Variants in PCDH11X observed in about 807,000 individuals in gnomAD.
PCDH11X encodes protocadherin 11 X-linked, also known as protocadherin-11 X-linked.
A neutral mutation model predicts 53.3 loss-of-function variants in PCDH11X; 18 were observed. That is an observed-to-expected ratio of 0.34 (90% CI 0.23 to 0.50). The LOEUF is 0.50. Among genes scored for constraint, PCDH11X ranks in the 20% least tolerant of loss-of-function variants. The pLI is 0.98. For missense variants in PCDH11X, 570 were observed against 1,032.4 expected, an observed-to-expected ratio of 0.55 and a Z score of 6.14; for synonymous variants, 279 against 393.3, an observed-to-expected ratio of 0.71 and a Z score of 3.44.
chrX:91,883,805 A>C (rs1172519485), intron 6 of PCDH11X: 1 of 743,903 alleles, frequency 1.3e-6, no homozygotes, highest in Admixed American at 8.9e-5. Context: ...ACTCTGTCTC[A>C]AAAAGAAAAA....
intron 6 of PCDH11X, among the ~76,000 whole-genome samples, chrX:91,880,422 A>G (rs1188775735): frequency 9.0e-6 from 1 of 111,429 alleles, no homozygotes; most frequent in Non-Finnish European, 1.9e-5. Flanking sequence ...TCTTTCACCA[A>G]AAGTTCGAGA....
chrX:91,916,210 C>A (rs1941557754), intron 6 of PCDH11X, among the ~76,000 whole-genome samples: 1 of 111,206 alleles, frequency 9.0e-6, no homozygotes, highest in Non-Finnish European at 1.9e-5. Context: ...GCATTAAATG[C>A]TTACATCAAA....
intron 6 of PCDH11X, among the ~76,000 whole-genome samples, chrX:91,969,507 G>C (rs755514215): frequency 9.0e-6 from 1 of 110,902 alleles, no homozygotes; most frequent in Non-Finnish European, 1.9e-5. Flanking sequence ...ATCAAAGAAG[G>C]ATCATCATAG....
chrX:91,944,074 T>C, intron 6 of PCDH11X, among the ~76,000 whole-genome samples: 1 of 84,444 alleles, frequency 1.2e-5, no homozygotes, highest in Non-Finnish European at 2.3e-5. Flanking sequence ...CGCTTGCTCT[T>C]GTTCAGTGCT....
intron 6 of PCDH11X, among the ~76,000 whole-genome samples, chrX:91,887,498 CTT>C (rs969049934): frequency 8.9e-5 from 10 of 111,818 alleles, no homozygotes; most frequent in African/African-American, 3.2e-4. Flanking sequence ...TAGGAGTAGA[CTT>C]TTAAAATTCT....
chrX:92,612,195 A>G (rs966631469), intron 10 of PCDH11X, among the ~76,000 whole-genome samples: 4 of 110,582 alleles, frequency 3.6e-5, no homozygotes, highest in African/African-American at 1.3e-4. Context: ...TATGTCTGGT[A>G]CAATTTGGCT....
chrX:92,144,112 A>G (rs1382736210), intron 6 of PCDH11X, among the ~76,000 whole-genome samples: 3 of 111,290 alleles, frequency 2.7e-5, no homozygotes, highest in Non-Finnish European at 5.6e-5. Context: ...CCCCCATTGT[A>G]TCTAGGAAGT....
chrX:92,598,453 A>T (rs1438987312), intron 10 of PCDH11X, among the ~76,000 whole-genome samples: 3 of 110,329 alleles, frequency 2.7e-5, no homozygotes, highest in African/African-American at 1.0e-4. Flanking sequence ...GAAAGTGTGC[A>T]CAATATCATT....
chrX:92,582,769 C>A (rs1923865748), intron 10 of PCDH11X, among the ~76,000 whole-genome samples: 1 of 110,713 alleles, frequency 9.0e-6, no homozygotes, highest in Non-Finnish European at 1.9e-5. Flanking sequence ...CCCATGAAAG[C>A]ATCCAGGAGG....
intron 6 of PCDH11X, among the ~76,000 whole-genome samples, chrX:92,110,889 C>T (rs12835974): frequency 9.1e-6 from 1 of 109,679 alleles, no homozygotes; most frequent in Admixed American, 9.8e-5. Context: ...ACACCATATT[C>T]TTGATAGCTC....
intron 6 of PCDH11X, among the ~76,000 whole-genome samples, chrX:92,160,754 T>C (rs1362785460): frequency 9.1e-6 from 1 of 109,963 alleles, no homozygotes; most frequent in African/African-American, 3.3e-5. Context: ...CTCCACACTG[T>C]TTTTCATAAT....
intron 10 of PCDH11X, among the ~76,000 whole-genome samples, chrX:92,576,003 TATATATATACACACACAC>T (rs1922893874): frequency 2.8e-5 from 1 of 35,217 alleles, no homozygotes; most frequent in African/African-American, 1.7e-4. Flanking sequence ...TATATATATA[TATATATATACACACACAC>T]ACACACACAC....
intron 8 of PCDH11X, among the ~76,000 whole-genome samples, chrX:92,385,305 G>A (rs2070988378): frequency 9.8e-6 from 1 of 102,217 alleles, no homozygotes; most frequent in South Asian, 4.3e-4. Context: ...CTCTGTAGAG[G>A]TGATCAGAAG....
intron 9 of PCDH11X, among the ~76,000 whole-genome samples, chrX:92,465,644 C>G (rs2073142484): frequency 9.0e-6 from 1 of 111,050 alleles, no homozygotes; most frequent in Non-Finnish European, 1.9e-5. Context: ...TTACTTTTAG[C>G]CAGATATTTC....
chrX:92,290,930 C>A (rs1218936018), intron 8 of PCDH11X, among the ~76,000 whole-genome samples: 4 of 100,274 alleles, frequency 4.0e-5, no homozygotes, highest in African/African-American at 1.5e-4. Flanking sequence ...GAGACAGTGT[C>A]TCTCTCTGTA....
Position 91,965,206 on chromosome X carries a change from G to A in PCDH11X, c.3033+85933G>A, listed in dbSNP as rs565066612. 1.0e-3 allele frequency among the ~76,000 whole-genome samples: 110 copies of A among 109,297 alleles called. 2 individuals carry two copies. In the South Asian group the frequency reaches 0.044, roughly 44 times the overall value. The allele number at this position is 109,297 out of a possible 115,157, so 94.9% of individuals were successfully genotyped here. Reference sequence around the variant, plus strand: ...AGTGGGAGATAATATAAAAGACAATGCATGAGAAAGCTGAATATGGAATAA... The same window carrying A: ...AGTGGGAGATAATATAAAAGACAATACATGAGAAAGCTGAATATGGAATAA... On this transcript the variant is annotated intron_variant, in intron 6 of 10. Coordinates refer to ENST00000682573, the MANE Select transcript of PCDH11X (RefSeq NM_032968.5).
At chrX:92,337,731 A>T (rs2069653776) in intron 8 of PCDH11X, among the ~76,000 whole-genome samples, 1 of 111,702 alleles carries the variant, frequency 9.0e-6, no homozygotes, top group Non-Finnish European at 1.9e-5. Context: ...TGGCGTAACC[A>T]GGTCTTGATT....
intron 6 of PCDH11X, among the ~76,000 whole-genome samples, chrX:91,984,924 T>C (rs2062205106): frequency 9.0e-6 from 1 of 111,588 alleles, no homozygotes; most frequent in Non-Finnish European, 1.9e-5. Flanking sequence ...CCTTGTGCTC[T>C]TTCCTTGCAA....
intron 6 of PCDH11X, among the ~76,000 whole-genome samples, chrX:92,174,916 G>C (rs1314978730): frequency 1.8e-5 from 2 of 111,726 alleles, no homozygotes; most frequent in Non-Finnish European, 3.8e-5. Flanking sequence ...TATTAAATGA[G>C]GTTAGCCACA....
Sources: gnomAD v4.1 joint callset for allele counts (sites outside exome capture counted in the v4.1 genomes callset) on GRCh38, gnomAD v4.1.1 for gene constraint, MANE v1.5 for transcripts, NCBI Gene and HGNC (gene_info 2026-07-23, HGNC 2026-07-21) for gene names.